MAML3: variants seen among roughly 807,000 people sequenced by gnomAD.
MAML3 encodes the protein mastermind-like protein 3.
In MAML3, 27 loss-of-function variants were observed where a neutral mutation model predicts 101.9. That is an observed-to-expected ratio of 0.27 (90% CI 0.20 to 0.37). The LOEUF is 0.37. Among genes scored for constraint, MAML3 ranks in the 10% least tolerant of loss-of-function variants. The pLI is 1.00. For missense variants in MAML3, 1,316 were observed against 1,444.9 expected (o/e 0.91, Z 1.45); for synonymous variants, 501 against 555.9 (o/e 0.90, Z 1.39).
intron 2 of MAML3, among the ~76,000 whole-genome samples, chr4:139,772,141 G>C (rs113600405): frequency 2.8e-3 from 404 of 146,010 alleles, no homozygotes; most frequent in African/African-American, 9.8e-3. Flanking sequence ...TGGGGAAGCT[G>C]AGGCAGGAGA....
intron 1 of MAML3, among the ~76,000 whole-genome samples, chr4:139,899,791 T>C (rs895822148): frequency 7.2e-5 from 11 of 152,252 alleles, no homozygotes; most frequent in Non-Finnish European, 1.5e-5. Context: ...AAATTATGTA[T>C]ATAATCTGTA....
chr4:139,975,089 C>T (rs1734303857), intron 1 of MAML3, among the ~76,000 whole-genome samples: 1 of 152,118 alleles, frequency 6.6e-6, no homozygotes, highest in Non-Finnish European at 1.5e-5. Flanking sequence ...ACACCATTCT[C>T]TTCTCAGAGC....
At chr4:140,090,824 G>A (rs980067530) in intron 1 of MAML3, among the ~76,000 whole-genome samples, 1 of 152,162 alleles carries the variant, frequency 6.6e-6, no homozygotes, top group African/African-American at 2.4e-5. Flanking sequence ...GCTGACGCTG[G>A]CAGATAACTT....
chr4:139,943,864 C>CCTTTTTTTTTTTTTTTTTTTTTT (rs1733652525), intron 1 of MAML3, among the ~76,000 whole-genome samples: 4 of 65,824 alleles, frequency 6.1e-5, no homozygotes, highest in Non-Finnish European at 1.1e-4. Context: ...CTAAAGACAA[C>CCTTTTTTTTTTTTTTTTTTTTTT]TTTTTTTTTT....
At chr4:140,097,445 G>A (rs1452107722) in intron 1 of MAML3, among the ~76,000 whole-genome samples, 1 of 152,086 alleles carries the variant, frequency 6.6e-6, no homozygotes, top group Non-Finnish European at 1.5e-5. Flanking sequence ...TTTCCGTAGT[G>A]GGTCAGCAAG....
At chr4:139,771,467 G>A (rs1729979085) in intron 2 of MAML3, among the ~76,000 whole-genome samples, 1 of 152,200 alleles carries the variant, frequency 6.6e-6, no homozygotes, top group South Asian at 2.1e-4. Context: ...CTGTGGCCAT[G>A]CACACAAAAG....
intron 1 of MAML3, among the ~76,000 whole-genome samples, chr4:139,999,412 A>G (rs777085537): frequency 6.6e-6 from 1 of 152,226 alleles, no homozygotes; most frequent in Non-Finnish European, 1.5e-5. Context: ...AACCCTAGGC[A>G]ACAATTCCAC....
intron 1 of MAML3, among the ~76,000 whole-genome samples, chr4:139,904,249 C>T (rs1442706341): frequency 2.6e-5 from 4 of 151,896 alleles, no homozygotes; most frequent in Non-Finnish European, 4.4e-5. Flanking sequence ...GCAACTCTAG[C>T]AAACTAATGA....
chr4:139,868,433 C>T (rs1366229356), intron 2 of MAML3, among the ~76,000 whole-genome samples: 1 of 152,154 alleles, frequency 6.6e-6, no homozygotes, highest in Non-Finnish European at 1.5e-5. Context: ...GTGCTGTTAG[C>T]TCTTTGAAAG....
At chr4:139,750,602 C>T (rs926801083) in intron 2 of MAML3, among the ~76,000 whole-genome samples, 1 of 152,160 alleles carries the variant, frequency 6.6e-6, no homozygotes, top group African/African-American at 2.4e-5. Context: ...ATTCACTCCT[C>T]CATTGTTCAC....
chr4:139,944,506 A>G (rs1349872146), intron 1 of MAML3, among the ~76,000 whole-genome samples: 5 of 152,184 alleles, frequency 3.3e-5, no homozygotes, highest in Non-Finnish European at 5.9e-5. Flanking sequence ...AAAGGACATG[A>G]ACTCATCATT....
chr4:139,801,647 T>G (rs952988326), intron 2 of MAML3, among the ~76,000 whole-genome samples: 4 of 15,242 alleles, frequency 2.6e-4, no homozygotes, highest in Admixed American at 1.0e-3. Context: ...TGTGTGGGTG[T>G]GTGTGTGTGT....
intron 1 of MAML3, among the ~76,000 whole-genome samples, chr4:140,121,713 G>T (rs1224018956): frequency 2.6e-5 from 4 of 152,142 alleles, no homozygotes; most frequent in Non-Finnish European, 5.9e-5. Context: ...TACTTAAAAG[G>T]TACTGAAGGG....
intron 1 of MAML3, among the ~76,000 whole-genome samples, chr4:139,982,804 C>T (rs1351788921): frequency 6.6e-6 from 1 of 152,166 alleles, no homozygotes; most frequent in Non-Finnish European, 1.5e-5. Context: ...CTGTAACCTC[C>T]ACTTCAATAG....
chr4:139,795,423 T>C (rs376746746), intron 2 of MAML3, among the ~76,000 whole-genome samples: 74 of 152,352 alleles, frequency 4.9e-4, no homozygotes, highest in African/African-American at 1.6e-3. Flanking sequence ...CGTTTCTGAA[T>C]GCATTTTAGT....
chr4:140,023,804 T>G (rs759152887), intron 1 of MAML3, among the ~76,000 whole-genome samples: 9 of 152,222 alleles, frequency 5.9e-5, no homozygotes, highest in Non-Finnish European at 1.2e-4. Context: ...CATTTTAACT[T>G]TTTCTTTTGG....
chr4:139,771,245 A>G (rs1729973679), intron 2 of MAML3, among the ~76,000 whole-genome samples: 1 of 152,250 alleles, frequency 6.6e-6, no homozygotes, highest in African/African-American at 2.4e-5. Context: ...TAGACTGTAC[A>G]CTGTTCTGGG....
rs1188506824 is a variant in MAML3 at position 140,125,499 on chromosome 4, ATTC to A, written c.468+27358_468+27360del. Among the ~76,000 whole-genome samples the A allele has an allele frequency of 2.4e-4, 37 of 152,362 alleles. 1 individual carries two copies. Among genetic ancestry groups the A allele is most frequent in the Admixed American group, 2.4e-3 (36 of 15,304 alleles). ...AATGTATTGGTCATCACATGACTTT[ATTC>A]TTATTTGTCCTTTGCAAGAATCCAG... On this transcript the variant is annotated intron_variant, in intron 1 of 4. Transcript: ENST00000509479.
intron 1 of MAML3, among the ~76,000 whole-genome samples, chr4:140,062,969 T>C (rs1477035446): frequency 6.6e-6 from 1 of 152,210 alleles, no homozygotes; most frequent in Non-Finnish European, 1.5e-5. Context: ...ATATTTTTCA[T>C]AGAAAGTATT....
Sources: gnomAD v4.1 joint callset for allele counts (sites outside exome capture counted in the v4.1 genomes callset) on GRCh38, gnomAD v4.1.1 for gene constraint, MANE v1.5 for transcripts, NCBI Gene and HGNC (gene_info 2026-07-23, HGNC 2026-07-21) for gene names.